Variants in ZFYVE27 observed in about 807,000 individuals in gnomAD.
ZFYVE27 encodes the protein zinc finger FYVE-type containing 27, also known as protrudin.
In ZFYVE27, 36 loss-of-function variants were observed where a neutral mutation model predicts 52.8. The ratio of observed to expected loss-of-function variants is 0.68; its 90% CI spans 0.52 to 0.90. The LOEUF is 0.90. Ranked by LOEUF, ZFYVE27 falls within the 40% of genes least tolerant of loss-of-function variation. ZFYVE27 has a pLI of 0.00. For missense variants in ZFYVE27, 450 were observed against 527.2 expected, an observed-to-expected ratio of 0.85 and a Z score of 1.43; for synonymous variants, 223 against 215.6, an observed-to-expected ratio of 1.03 and a Z score of -0.30.
At chr10:97,739,822 C>T (rs1249405188) in intron 2 of ZFYVE27, among the ~76,000 whole-genome samples, 1 of 150,852 alleles carries the variant, frequency 6.6e-6, no homozygotes, top group Non-Finnish European at 1.5e-5. Context: ...TGTCTGGTTT[C>T]TTCCTTGTGG....
At chr10:97,752,268 G>A (rs80281909) in intron 8 of ZFYVE27, among the ~76,000 whole-genome samples, 115 of 152,344 alleles carry the variant, frequency 7.5e-4, no homozygotes, top group African/African-American at 2.7e-3. Context: ...GGGAAATTGA[G>A]ATATAAGAAA....
In ZFYVE27 at chr10:97,757,646, G is replaced by A. The variant is rs1404687710; in HGVS notation, c.1094G>A (p.Ser365Asn). ...ATFSVLKKRR[S>N]CSNCGNSFCS... ...GACCTTGGCTCTTGTCTGCAGCGGA[G>A]CTGCAGTAATTGTGGAAACAGCTTC... Residue 365 changes from serine to asparagine, a missense_variant, in exon 12 of 13, where the codon AGC becomes AAC. Physicochemically the swap from Ser to Asn is conservative, Grantham distance 46. Transcript: ENST00000684270. 6.2e-7 allele frequency: 1 copy of A among 1,614,218 alleles called. No homozygotes were observed. Among genetic ancestry groups the A allele is most frequent in the East Asian group, 2.2e-5 (1 of 44,882 alleles).
intron 4 of ZFYVE27, among the ~76,000 whole-genome samples, chr10:97,746,028 C>CATAT (rs398046319): frequency 1.9e-4 from 24 of 129,304 alleles, no homozygotes; most frequent in East Asian, 1.7e-3. Context: ...TATATATACA[C>CATAT]ATATATATAT....
intron 8 of ZFYVE27, 22 bp from the exon 9 acceptor site, chr10:97,752,835 T>C: frequency 6.2e-7 from 1 of 1,611,532 alleles, no homozygotes; most frequent in Non-Finnish European, 8.5e-7. Context: ...TTCTCTCCTC[T>C]TCCCCGCACC....
rs1278649768 is a variant in ZFYVE27 at position 97,760,066 on chromosome 10, CT to C, written c.*767del. 1.3e-5 allele frequency: 2 copies of C among 153,410 alleles called. No homozygotes were observed. Among genetic ancestry groups the C allele is most frequent in the Non-Finnish European group, 2.9e-5 (2 of 68,958 alleles). The allele number at this position is 153,410 out of a possible 1,614,324, so 9.5% of individuals were successfully genotyped here. On this transcript the variant is annotated 3_prime_UTR_variant, in exon 13 of 13. Coordinates refer to ENST00000684270, the MANE Select transcript of ZFYVE27 (RefSeq NM_001385875.1). ...CAATGCCCCAGTGTCCCCAGCTCCG[CT>C]GGAGCAGCTGCAGGGCACTTGGATC...
intron 2 of ZFYVE27, among the ~76,000 whole-genome samples, chr10:97,739,164 A>G (rs1325853655): frequency 5.3e-5 from 8 of 150,692 alleles, no homozygotes; most frequent in African/African-American, 2.0e-4. Context: ...TCGTGTGAAC[A>G]TGGCTCACTG....
rs146927736 is a variant in ZFYVE27, at chr10:97,738,741, A to G, written c.197+67A>G. On this transcript the variant is annotated intron_variant, in intron 2 of 12. Transcript: ENST00000684270. ...GCCGTCCTGCTCTGTAGTAACTAAC[A>G]CTGACCATTTAGGCAGTGGCTGGGC... 47 of 1,579,736 alleles carry G rather than the reference A, an allele frequency of 3.0e-5. No individual in the cohort carries two copies. The African/African-American group carries it at 4.7e-4, about 16-fold the overall frequency.
At position 97,757,406 on chromosome 10, in the gene ZFYVE27, G is replaced by T. The variant is rs1463937313; in HGVS notation, c.1089+95G>T. On this transcript the variant is annotated intron_variant, in intron 11 of 12. Coordinates refer to ENST00000684270, the MANE Select transcript of ZFYVE27 (RefSeq NM_001385875.1). Reference sequence around the variant, plus strand: ...GGGAGTCATTGAGAAAGTCTGGCTCGGGTCACATTGGGCCTGGCAGTGGCT... The same window carrying T: ...GGGAGTCATTGAGAAAGTCTGGCTCTGGTCACATTGGGCCTGGCAGTGGCT... 7.7e-6 allele frequency: 12 copies of T among 1,564,660 alleles called. No individual in the cohort carries two copies. The South Asian group carries it at 1.2e-4, about 16-fold the overall frequency.
intron 8 of ZFYVE27, 101 bp downstream of exon 8, chr10:97,751,563 T>A: frequency 1.7e-6 from 2 of 1,154,882 alleles, no homozygotes; most frequent in Non-Finnish European, 2.5e-6. Context: ...AGTGAGAAGC[T>A]AAAACTTGCT....
At chr10:97,754,877 T>A in intron 10 of ZFYVE27, 1 of 1,260,938 alleles carries the variant, frequency 7.9e-7, no homozygotes, top group Non-Finnish European at 1.0e-6. Flanking sequence ...CTGTTCCCAT[T>A]TTACAGATGA....
rs202196759 is a variant in ZFYVE27 at position 97,751,477 on chromosome 10, C to G, written c.876+15C>G. The G allele has an allele frequency of 2.5e-6, 4 of 1,613,278 alleles. No individual in the cohort carries two copies. The African/African-American group carries it at 4.0e-5, about 16-fold the overall frequency. On this transcript the variant is annotated intron_variant, in intron 8 of 12. Coordinates refer to ENST00000684270, the MANE Select transcript of ZFYVE27 (RefSeq NM_001385875.1). ...ATGCGATTGAGGTGGGTGGCCCTTCCCCAGCATCCTCTACTCAGCAGGCCA... is the reference window on the plus strand; with the variant it reads ...ATGCGATTGAGGTGGGTGGCCCTTCGCCAGCATCCTCTACTCAGCAGGCCA...
Position 97,748,353 on chromosome 10 carries a change from C to T in ZFYVE27, c.540C>T (p.Val180=), listed in dbSNP as rs754746624. Residue 180 remains valine (V), a synonymous_variant, in exon 5 of 13, where the codon GTC becomes GTT. Coordinates refer to ENST00000684270, the MANE Select transcript of ZFYVE27 (RefSeq NM_001385875.1). ...AYRVLHWENP[V]VSSQFYGALL... ...GCGTGCTGCACTGGGAGAACCCCGT[C>T]GTGTCCTCACAGTGAGTGACCCCTC... 3.1e-6 allele frequency: 5 copies of T among 1,614,064 alleles called. No homozygotes were observed. The highest frequency in any genetic ancestry group is 1.7e-5 in the Admixed American group (1 of 60,026).
chr10:97,745,008 C>T (rs756323504), intron 4 of ZFYVE27, 93 bp downstream of exon 4: 2 of 1,389,440 alleles, frequency 1.4e-6, no homozygotes, highest in Admixed American at 2.0e-5. Flanking sequence ...TCATATTAGG[C>T]AAACCACAGC....
In ZFYVE27 at chr10:97,748,729, A is replaced by G. The variant is rs577509404; in HGVS notation, c.551+365A>G. ...TTGTTTTCCACTTATCATTATATTA[A>G]AGATGATTTTCTTTGTTGCTATATA... On this transcript the variant is annotated intron_variant, in intron 5 of 12. Transcript: ENST00000684270. Among the ~76,000 whole-genome samples, 6 of 152,266 alleles carry G rather than the reference A, an allele frequency of 3.9e-5. No individual in the cohort carries two copies. In the East Asian group the frequency reaches 7.7e-4, roughly 20 times the overall value.
Position 97,749,496 on chromosome 10 carries a change from A to G in ZFYVE27, c.574A>G (p.Thr192Ala). The change falls in exon 6 of 13, where the codon ACA (threonine) becomes GCA (alanine). Residue 192 changes from threonine (T) to alanine (A), a missense_variant. By Grantham distance (58) the Thr-to-Ala change is moderately conservative. Transcript: ENST00000684270. Reference protein sequence around the residue: ...SSQFYGALLGTVCMLYLLPLC... With the variant: ...SSQFYGALLGAVCMLYLLPLC... ...CAGGTTCTATGGGGCTCTTCTGGGCACAGTCTGCATGCTGTATTTGCTGCC... is the reference window on the plus strand; with the variant it reads ...CAGGTTCTATGGGGCTCTTCTGGGCGCAGTCTGCATGCTGTATTTGCTGCC... 6.2e-7 allele frequency: 1 copy of G among 1,614,152 alleles called. No homozygotes were observed. The highest frequency in any genetic ancestry group is 1.3e-5 in the African/African-American group (1 of 75,026).
intron 2 of ZFYVE27, among the ~76,000 whole-genome samples, chr10:97,741,313 G>A (rs569719778): frequency 6.6e-6 from 1 of 152,300 alleles, no homozygotes; most frequent in South Asian, 2.1e-4. Context: ...ACATGCACAT[G>A]TATGTTTGTT....
At chr10:97,741,821 T>C (rs771715075) in intron 2 of ZFYVE27, among the ~76,000 whole-genome samples, 18 of 152,196 alleles carry the variant, frequency 1.2e-4, no homozygotes, top group Non-Finnish European at 2.9e-5. Context: ...AACTCTGAAA[T>C]ACTCCAGAGC....
intron 6 of ZFYVE27, 168 bp from the exon 7 acceptor site, chr10:97,750,163 G>A: frequency 5.3e-6 from 4 of 759,050 alleles, no homozygotes; most frequent in Non-Finnish European, 8.8e-6. Flanking sequence ...TGGTATCTAA[G>A]TTTTGTTTAA....
At chr10:97,755,257 C>T (rs2048061133) in intron 10 of ZFYVE27, among the ~76,000 whole-genome samples, 1 of 152,244 alleles carries the variant, frequency 6.6e-6, no homozygotes, top group African/African-American at 2.4e-5. Context: ...GCAGGTGTAG[C>T]AGCTCTGCTC....
Sources: gnomAD v4.1 joint callset for allele counts (sites outside exome capture counted in the v4.1 genomes callset) on GRCh38, gnomAD v4.1.1 for gene constraint, MANE v1.5 for transcripts, NCBI Gene and HGNC (gene_info 2026-07-23, HGNC 2026-07-21) for gene names.